ISM2: variants seen among roughly 807,000 people sequenced by gnomAD.
ISM2 encodes isthmin-2.
A neutral mutation model predicts 58.0 loss-of-function variants in ISM2; 50 were observed. That is an observed-to-expected ratio of 0.86 (90% CI 0.69 to 1.09). ISM2 has a LOEUF of 1.09. Ranked by LOEUF, ISM2 falls within the 50% of genes least tolerant of loss-of-function variation. ISM2 has a pLI of 0.00. For synonymous variants in ISM2, 303 were observed against 312.4 expected, an observed-to-expected ratio of 0.97 and a Z score of 0.32; for missense variants, 723 against 745.0, an observed-to-expected ratio of 0.97 and a Z score of 0.34.
chr14:77,496,066 T>G (rs2079237816), intron 1 of ISM2, among the ~76,000 whole-genome samples: 1 of 150,934 alleles, frequency 6.6e-6, no homozygotes, highest in African/African-American at 2.4e-5. Flanking sequence ...AATACAAAAA[T>G]TAGCTGGGCG....
In ISM2 at chr14:77,475,848, G is replaced by A. The variant is rs754758987; in HGVS notation, c.1463C>T (p.Ala488Val). The change falls in exon 7 of 7, where the codon GCC becomes GTC. Residue 488 changes from alanine to valine, a missense_variant. Physicochemically the swap from Ala to Val is moderately conservative, Grantham distance 64. Transcript: ENST00000342219. This position sits in a 1 kb window ranked among gnomAD's most constrained non-coding sequence, Gnocchi z 4.1. ...CTCGTCATAGCAGCAGTGCTGGGCG[G>A]CCAGTGTGCTGCTCTCCCCAGACAG... The part of the protein sequence containing the change: ...SMLSGESSTL[A>V]AQHCCYDEDS... 2 of 1,610,412 alleles carry A rather than the reference G, an allele frequency of 1.2e-6. No individual in the cohort carries two copies. The highest frequency in any genetic ancestry group is 1.7e-4 in the Middle Eastern group (1 of 6,060).
chr14:77,486,637 G>A (rs2079169490), intron 1 of ISM2, among the ~76,000 whole-genome samples: 1 of 152,176 alleles, frequency 6.6e-6, no homozygotes, highest in Non-Finnish European at 1.5e-5. Context: ...ACTGTCTGCA[G>A]TCTCTGGGGC....
rs1333197315 is a variant in ISM2 at position 77,478,285 on chromosome 14, C to A, written c.1155G>T (p.Glu385Asp). The A allele has an allele frequency of 6.2e-7, 1 of 1,614,106 alleles. No homozygotes were observed. The highest frequency in any genetic ancestry group is 1.1e-5 in the South Asian group (1 of 91,090). ...DKDTLGLPSE[E>D]WKLLARNATD... is the part of the protein sequence containing the mutation. ...TAGCATTGCGGGCCAGGAGCTTCCACTCCTCACTGGGGAGGCCCAAGGTGT... is the reference window on the plus strand; with the variant it reads ...TAGCATTGCGGGCCAGGAGCTTCCAATCCTCACTGGGGAGGCCCAAGGTGT... Residue 385 changes from glutamate to aspartate, a missense_variant, in exon 6 of 7, where the codon GAG (glutamate) becomes GAT (aspartate). Physicochemically the swap from Glu to Asp is conservative, Grantham distance 45. Coordinates refer to ENST00000342219, the MANE Select transcript of ISM2 (RefSeq NM_199296.3).
In ISM2 at chr14:77,475,481, TG is replaced by T; in HGVS notation, c.*113del. 3 of 1,173,376 alleles carry T rather than the reference TG, an allele frequency of 2.6e-6. No individual in the cohort carries two copies. Among genetic ancestry groups the T allele is most frequent in the Non-Finnish European group, 3.6e-6 (3 of 836,432 alleles). The allele number at this position is 1,173,376 out of a possible 1,614,324, so 72.7% of individuals were successfully genotyped here. ...GCACACAGCCTCGGACCAACCTCAC[TG>T]GGGGAGCCCTTTCCTCACCCTGTCT... On this transcript the variant is annotated 3_prime_UTR_variant, in exon 7 of 7. Transcript: ENST00000342219. This position sits in a 1 kb window ranked among gnomAD's most constrained non-coding sequence, Gnocchi z 4.1.
At chr14:77,478,442 G>A in intron 5 of ISM2, 117 bp from the exon 6 acceptor site, 1 of 1,418,952 alleles carries the variant, frequency 7.0e-7, no homozygotes, top group Non-Finnish European at 9.8e-7. Context: ...AATAGGCCTG[G>A]GACAAGGCAG....
At chr14:77,480,138 G>A (rs2079122539) in intron 4 of ISM2, among the ~76,000 whole-genome samples, 1 of 151,878 alleles carries the variant, frequency 6.6e-6, no homozygotes, top group African/African-American at 2.4e-5. Flanking sequence ...GGGAAATATG[G>A]CAAAACCCCA....
chr14:77,476,731 C>A (rs2079100799), intron 6 of ISM2, among the ~76,000 whole-genome samples: 1 of 152,054 alleles, frequency 6.6e-6, no homozygotes, highest in South Asian at 2.1e-4. Context: ...GGCTAAAGTA[C>A]ATCTGACTGA....
intron 1 of ISM2, among the ~76,000 whole-genome samples, chr14:77,496,556 G>T (rs986932382): frequency 6.6e-6 from 1 of 151,850 alleles, no homozygotes; most frequent in African/African-American, 2.4e-5. Context: ...GGCCTAGGCA[G>T]GTGGATCATA....
Position 77,478,654 on chromosome 14 carries a change from G to A in ISM2, c.1035C>T (p.Gly345=). 6.2e-7 allele frequency: 1 copy of A among 1,613,904 alleles called. No individual in the cohort carries two copies. Among genetic ancestry groups the A allele is most frequent in the South Asian group, 1.1e-5 (1 of 91,066 alleles). ...CACAGGGCCGAGTCCTCTGCTGCTT[G>A]CCAGTGCTGCAGTTCCCACTGCAGG... is the stretch of plus-strand genomic sequence containing the variant. The part of the protein sequence containing the change: ...WSPCSGNCST[G]KQQRTRPCGY... The change falls in exon 5 of 7, where the codon GGC becomes GGT. Residue 345 remains glycine (G), a synonymous_variant. Coordinates refer to ENST00000342219, the MANE Select transcript of ISM2 (RefSeq NM_199296.3).
chr14:77,479,662 G>A (rs367916621), intron 4 of ISM2, among the ~76,000 whole-genome samples: 1 of 152,052 alleles, frequency 6.6e-6, no homozygotes, highest in Non-Finnish European at 1.5e-5. Flanking sequence ...GATTACAGGC[G>A]TGAGCCACTG....
rs147309155 is a variant in ISM2, at chr14:77,486,979, C to T, written c.142-2060G>A. Among the ~76,000 whole-genome samples, 1,011 of 151,924 alleles carry T rather than the reference C, an allele frequency of 6.7e-3. 6 individuals are homozygous for T. Among genetic ancestry groups the T allele is most frequent in the African/African-American group, 0.014 (593 of 41,380 alleles). On this transcript the variant is annotated intron_variant, in intron 1 of 6. Transcript: ENST00000342219. ...GCTCTAGGCCAGGCACGGTGGCTCA[C>T]GCCTGTAATCCTAGCACTTTGGGAG...
At chr14:77,498,632 C>A in intron 1 of ISM2, 21 bp downstream of exon 1, 1 of 1,437,284 alleles carries the variant, frequency 7.0e-7, no homozygotes, top group Non-Finnish European at 9.1e-7. Context: ...CGCTCCGCAG[C>A]CCGGTGCCGC....
intron 1 of ISM2, among the ~76,000 whole-genome samples, chr14:77,498,050 TTGACAGACCA>T (rs1440155042): frequency 6.6e-6 from 1 of 152,204 alleles, no homozygotes; most frequent in African/African-American, 2.4e-5. Flanking sequence ...GACACAGGGT[TTGACAGACCA>T]TGGCTTCTCT....
chr14:77,493,993 G>A lies in ISM2; in HGVS notation c.141+4660C>T, dbSNP rs533295892. Among the ~76,000 whole-genome samples the A allele has an allele frequency of 2.8e-3, 416 of 149,546 alleles. 2 individuals are homozygous for A. Among genetic ancestry groups the A allele is most frequent in the African/African-American group, 9.6e-3 (390 of 40,548 alleles). Reference sequence around the variant, plus strand: ...GGGGTTTCACCGTGTTAGCCAGGATGGTCTTGATCTCCTGATCTTGTGATC... The same window carrying A: ...GGGGTTTCACCGTGTTAGCCAGGATAGTCTTGATCTCCTGATCTTGTGATC... On this transcript the variant is annotated intron_variant, in intron 1 of 6. Transcript: ENST00000342219.
chr14:77,490,886 A>G (rs1057096091), intron 1 of ISM2, among the ~76,000 whole-genome samples: 1 of 152,142 alleles, frequency 6.6e-6, no homozygotes, highest in Admixed American at 6.5e-5. Context: ...CTGGAGGGAT[A>G]AGGAAGGCCA....
Position 77,481,266 on chromosome 14 carries a change from G to A in ISM2, c.973+1056C>T, listed in dbSNP as rs187342133. Among the ~76,000 whole-genome samples, 635 of 152,022 alleles carry A rather than the reference G, an allele frequency of 4.2e-3. 4 individuals carry two copies. The highest frequency in any genetic ancestry group is 7.7e-3 in the Non-Finnish European group (521 of 67,984). ...GAGGCATGAGAATCGTCCGAACCTGGGAGGTGGAGGTTGCAGTGAGCCGAG... is the reference window on the plus strand; with the variant it reads ...GAGGCATGAGAATCGTCCGAACCTGAGAGGTGGAGGTTGCAGTGAGCCGAG... On this transcript the variant is annotated intron_variant, in intron 4 of 6. Coordinates refer to ENST00000342219, the MANE Select transcript of ISM2 (RefSeq NM_199296.3).
chr14:77,478,861 C>A, intron 4 of ISM2, 146 bp from the exon 5 acceptor site: 2 of 745,474 alleles, frequency 2.7e-6, no homozygotes, highest in Admixed American at 2.6e-5. Context: ...TGGATTTCAG[C>A]TTCCACCTGC....
chr14:77,487,173 C>T lies in ISM2; in HGVS notation c.142-2254G>A, dbSNP rs570586474. ...GGCAGGAGAATCGCTTGAACTGAGGCAGCAGAAGTTGCAGTGAGCCAAGAT... is the reference window on the plus strand; with the variant it reads ...GGCAGGAGAATCGCTTGAACTGAGGTAGCAGAAGTTGCAGTGAGCCAAGAT... On this transcript the variant is annotated intron_variant, in intron 1 of 6. Coordinates refer to ENST00000342219, the MANE Select transcript of ISM2 (RefSeq NM_199296.3). 1.1e-4 allele frequency among the ~76,000 whole-genome samples: 16 copies of T among 151,642 alleles called. 1 individual carries two copies. In the South Asian group the frequency reaches 3.3e-3, roughly 32 times the overall value.
chr14:77,495,806 C>T (rs1291283052), intron 1 of ISM2, among the ~76,000 whole-genome samples: 1 of 152,092 alleles, frequency 6.6e-6, no homozygotes, highest in East Asian at 1.9e-4. Context: ...GATGCATTCT[C>T]AATAGGGGCA....
Sources: gnomAD v4.1 joint callset for allele counts (sites outside exome capture counted in the v4.1 genomes callset) on GRCh38, gnomAD v4.1.1 for gene constraint, Gnocchi (gnomAD v3.1) non-coding constraint, MANE v1.5 for transcripts, NCBI Gene and HGNC (gene_info 2026-07-23, HGNC 2026-07-21) for gene names.